NCOR1: variants seen among roughly 807,000 people sequenced by gnomAD.
The protein encoded by NCOR1 is nuclear receptor corepressor 1, also known as protein phosphatase 1, regulatory subunit 109.
In NCOR1, 63 loss-of-function variants were observed where a neutral mutation model predicts 288.1. That is an observed-to-expected ratio of 0.22 (90% CI 0.18 to 0.27). The LOEUF (loss-of-function observed/expected upper bound fraction) is 0.27, where lower values mean the gene tolerates loss of function less well. NCOR1 is among the 10% of genes least tolerant of loss of function. The pLI is 1.00. For synonymous variants in NCOR1, 1,007 were observed against 1,065.9 expected, an observed-to-expected ratio of 0.94 and a Z score of 1.08; for missense variants, 2,397 against 3,019.2, an observed-to-expected ratio of 0.79 and a Z score of 4.83.
chr17:16,183,943 G>A (rs1323571801), intron 3 of NCOR1, among the ~76,000 whole-genome samples: 5 of 152,118 alleles, frequency 3.3e-5, no homozygotes, highest in South Asian at 2.1e-4. Flanking sequence ...ACATATGGCC[G>A]CCTAACTTTT....
In NCOR1 at chr17:16,158,760, C is replaced by A; in HGVS notation, c.732G>T (p.Arg244=). Reference sequence around the variant, plus strand: ...GCTGCCAGAGATGGTATGAGCTTACCCGATTCTCATCATAAATAATTTGGA... The same window carrying A: ...GCTGCCAGAGATGGTATGAGCTTACACGATTCTCATCATAAATAATTTGGA... ...SIVQIIYDEN[R]KKAEEAHKIF... is the part of the protein sequence containing the mutation. Residue 244 remains arginine, a splice_region_variant and synonymous_variant, in exon 6 of 46, where the codon CGG becomes CGT. Coordinates refer to ENST00000268712, the MANE Select transcript of NCOR1 (RefSeq NM_006311.4). The A allele has an allele frequency of 1.9e-6, 3 of 1,605,380 alleles. No individual in the cohort carries two copies. Among genetic ancestry groups the A allele is most frequent in the Non-Finnish European group, 2.6e-6 (3 of 1,172,546 alleles).
chr17:16,096,389 T>A (rs572832561), intron 21 of NCOR1, among the ~76,000 whole-genome samples: 15 of 152,206 alleles, frequency 9.9e-5, no homozygotes. Context: ...ATTATTAAGG[T>A]AAAATATAAA....
rs574085862 is a variant in NCOR1 at position 16,182,921 on chromosome 17, AAAAC to A, written c.242+3629_242+3632del. ...CCTACTGGTAAAAAGAAGAGAAGTAAAAACAAAAACAAAACACGTCATCTTAACT... is the reference window on the plus strand; with the variant it reads ...CCTACTGGTAAAAAGAAGAGAAGTAAAAAAACAAAACACGTCATCTTAACT... On this transcript the variant is annotated intron_variant, in intron 3 of 45. Coordinates refer to ENST00000268712, the MANE Select transcript of NCOR1 (RefSeq NM_006311.4). 2.8e-3 allele frequency among the ~76,000 whole-genome samples: 429 copies of A among 152,294 alleles called. 3 individuals are homozygous for A. Among genetic ancestry groups the A allele is most frequent in the African/African-American group, 9.5e-3 (396 of 41,570 alleles).
chr17:16,193,757 A>C (rs2089138988), intron 2 of NCOR1, among the ~76,000 whole-genome samples: 1 of 152,182 alleles, frequency 6.6e-6, no homozygotes, highest in South Asian at 2.1e-4. Context: ...CTCCCTACAC[A>C]GGAACAACGT....
At chr17:16,048,104 C>T (rs566411777) in intron 41 of NCOR1, among the ~76,000 whole-genome samples, 94 of 152,352 alleles carry the variant, frequency 6.2e-4, no homozygotes, top group African/African-American at 2.2e-3. Flanking sequence ...AAAACTGGCC[C>T]TTCCCCATTA....
intron 2 of NCOR1, among the ~76,000 whole-genome samples, chr17:16,189,377 G>C (rs541520687): frequency 6.2e-4 from 94 of 152,120 alleles, no homozygotes; most frequent in Non-Finnish European, 9.6e-4. Context: ...CTGGGCAACA[G>C]AGTGAGACTC....
rs148427918 is a variant in NCOR1 at position 16,171,290 on chromosome 17, T to C, written c.435+513A>G. Among the ~76,000 whole-genome samples the C allele has an allele frequency of 4.2e-3, 632 of 152,278 alleles. 7 individuals carry two copies. Among genetic ancestry groups the C allele is most frequent in the African/African-American group, 0.015 (609 of 41,562 alleles). On this transcript the variant is annotated intron_variant, in intron 4 of 45. Coordinates refer to ENST00000268712, the MANE Select transcript of NCOR1 (RefSeq NM_006311.4). ...AAGTTACAGGATTACAGGTAACTTT[T>C]TTCCTCTTTATTTTCCCAGTTTTCT...
intron 42 of NCOR1, chr17:16,044,742 CT>C: frequency 1.3e-6 from 1 of 783,554 alleles, no homozygotes. Context: ...AATGTTGAAC[CT>C]TTTTGGTCCA....
intron 14 of NCOR1, among the ~76,000 whole-genome samples, chr17:16,127,713 GT>G (rs1568211037): frequency 4.4e-5 from 6 of 137,032 alleles, no homozygotes; most frequent in African/African-American, 1.6e-4. Context: ...ATATGTGTGT[GT>G]ATATATACAT....
chr17:16,070,116 T>G (rs773632116), intron 31 of NCOR1, 49 bp downstream of exon 31: 24 of 1,521,584 alleles, frequency 1.6e-5, no homozygotes, highest in Non-Finnish European at 2.0e-5. Flanking sequence ...TTTTTTTTTT[T>G]TTTTAAATGC....
At chr17:16,177,743 A>G (rs1020614103) in intron 3 of NCOR1, among the ~76,000 whole-genome samples, 1 of 152,092 alleles carries the variant, frequency 6.6e-6, no homozygotes, top group East Asian at 1.9e-4. Context: ...GCACATCCCA[A>G]CTGTCCTTTC....
rs573338660 is a variant in NCOR1, at chr17:16,188,978, C to T, written c.109-2291G>A. Among the ~76,000 whole-genome samples the T allele has an allele frequency of 1.8e-4, 27 of 151,266 alleles. No homozygotes were observed. In the East Asian group the frequency reaches 3.1e-3, roughly 18 times the overall value. On this transcript the variant is annotated intron_variant, in intron 2 of 45. Coordinates refer to ENST00000268712, the MANE Select transcript of NCOR1 (RefSeq NM_006311.4). ...AGGCGGAGTTTGCAGTGAGCCTAGA[C>T]GAAGCCACTGCACTCCAGCCTAGGT... is the stretch of plus-strand genomic sequence containing the variant.
Position 16,127,293 on chromosome 17 carries a change from G to GTATGTATGTATATATACGTGTATGTATA in NCOR1, c.1510-1088_1510-1087insTATACATACACGTATATATACATACATA, listed in dbSNP as rs2074394893. ...TGTATGTATATATACGTGTATATATGTATGTATGTATATATACATGTATGT... is the reference window on the plus strand; with the variant it reads ...TGTATGTATATATACGTGTATATATGTATGTATGTATATATACGTGTATGTATATATGTATGTATATATACATGTATGT... On this transcript the variant is annotated intron_variant, in intron 14 of 45. Transcript: ENST00000268712. Among the ~76,000 whole-genome samples, 210 of 61,478 alleles carry GTATGTATGTATATATACGTGTATGTATA rather than the reference G, an allele frequency of 3.4e-3. 78 individuals are homozygous for GTATGTATGTATATATACGTGTATGTATA. The highest frequency in any genetic ancestry group is 4.3e-3 in the Non-Finnish European group (122 of 28,506). The allele number at this position is 61,478 out of a possible 152,430, so 40.3% of individuals were successfully genotyped here.
At chr17:16,185,199 T>C (rs1327790248) in intron 3 of NCOR1, among the ~76,000 whole-genome samples, 4 of 152,094 alleles carry the variant, frequency 2.6e-5, no homozygotes. Flanking sequence ...TATAGTGCTG[T>C]ATCTGGGATT....
chr17:16,034,995 T>G, intron 44 of NCOR1, 51 bp from the exon 45 acceptor site: 3 of 1,544,112 alleles, frequency 1.9e-6, no homozygotes. Flanking sequence ...TCTCAAAAAT[T>G]ACCAAAATGC....
intron 22 of NCOR1, 31 bp from the exon 23 acceptor site, chr17:16,086,473 C>G (rs1448902549): frequency 1.3e-6 from 2 of 1,587,914 alleles, no homozygotes; most frequent in African/African-American, 1.4e-5. Context: ...TGATTTTAAA[C>G]TAGTCCATTT....
intron 3 of NCOR1, among the ~76,000 whole-genome samples, chr17:16,181,237 G>GTGTGTGTGTT (rs2085412784): frequency 1.3e-5 from 2 of 151,492 alleles, no homozygotes; most frequent in African/African-American, 4.8e-5. Flanking sequence ...GTGTGTGTGT[G>GTGTGTGTGTT]TGTGTGTGTG....
intron 3 of NCOR1, among the ~76,000 whole-genome samples, chr17:16,175,035 TA>T (rs1173244552): frequency 0.033 from 4,196 of 128,424 alleles, 197 homozygotes; most frequent in African/African-American, 0.12. Flanking sequence ...AACTGTGGTA[TA>T]AAAAAAAAAA....
chr17:16,122,585 T>G (rs567242966), intron 15 of NCOR1: 1 of 152,154 alleles, frequency 6.6e-6, no homozygotes, highest in Non-Finnish European at 1.5e-5. Flanking sequence ...CTGCTGCTAC[T>G]CTGGCTTTCC....
Sources: gnomAD v4.1 joint callset for allele counts (sites outside exome capture counted in the v4.1 genomes callset) on GRCh38, gnomAD v4.1.1 for gene constraint, MANE v1.5 for transcripts, NCBI Gene and HGNC (gene_info 2026-07-23, HGNC 2026-07-21) for gene names.